CDYL2: variants seen among roughly 807,000 people sequenced by gnomAD.
The protein encoded by CDYL2 is chromodomain Y-like protein 2.
A neutral mutation model predicts 49.4 loss-of-function variants in CDYL2; 23 were observed. That is an observed-to-expected ratio of 0.47 (90% CI 0.34 to 0.66). CDYL2 has a LOEUF of 0.66. Among genes scored for constraint, CDYL2 ranks in the 30% least tolerant of loss-of-function variants. The pLI is 0.01. For synonymous variants in CDYL2, 360 were observed against 268.8 expected (o/e 1.34, Z -3.32); for missense variants, 678 against 656.4 (o/e 1.03, Z -0.36).
At chr16:80,615,685 A>G (rs1435094500) in intron 4 of CDYL2, among the ~76,000 whole-genome samples, 1 of 151,904 alleles carries the variant, frequency 6.6e-6, no homozygotes, top group Non-Finnish European at 1.5e-5. Context: ...AGAGCCTTTC[A>G]TTCTGTGTTT....
intron 1 of CDYL2, among the ~76,000 whole-genome samples, chr16:80,731,939 C>T (rs1333969575): frequency 6.6e-6 from 1 of 151,436 alleles, no homozygotes; most frequent in African/African-American, 2.4e-5. Context: ...AAAAGATCCC[C>T]AAGCTGATGG....
intron 3 of CDYL2, among the ~76,000 whole-genome samples, chr16:80,630,796 G>C (rs866792110): frequency 1.4e-4 from 21 of 152,202 alleles, no homozygotes; most frequent in Middle Eastern, 3.4e-3. Flanking sequence ...AAAAGAACCA[G>C]GGTCTATTTC....
chr16:80,762,793 G>C (rs757135136), intron 1 of CDYL2, among the ~76,000 whole-genome samples: 2 of 152,120 alleles, frequency 1.3e-5, no homozygotes, highest in Non-Finnish European at 2.9e-5. Flanking sequence ...AGCTCTCATA[G>C]GGCAGAGACG....
At chr16:80,776,846 C>G (rs1377541536) in intron 1 of CDYL2, among the ~76,000 whole-genome samples, 3 of 150,878 alleles carry the variant, frequency 2.0e-5, no homozygotes, top group East Asian at 3.9e-4. Flanking sequence ...GAGACAGAGT[C>G]TCCCTCTGTC....
intron 1 of CDYL2, among the ~76,000 whole-genome samples, chr16:80,733,893 T>A (rs1905421436): frequency 6.6e-6 from 1 of 152,200 alleles, no homozygotes; most frequent in African/African-American, 2.4e-5. Flanking sequence ...AATTGTATTG[T>A]CTTTTTGCCC....
intron 1 of CDYL2, among the ~76,000 whole-genome samples, chr16:80,702,490 T>A (rs1904307293): frequency 6.6e-6 from 1 of 152,090 alleles, no homozygotes; most frequent in Admixed American, 6.5e-5. Flanking sequence ...AGGGCTCACG[T>A]CTATAATTCA....
At chr16:80,646,203 G>A (rs559002833) in intron 2 of CDYL2, among the ~76,000 whole-genome samples, 55 of 151,728 alleles carry the variant, frequency 3.6e-4, no homozygotes, top group Admixed American at 7.2e-4. Context: ...GGAATTATGG[G>A]AATACAATTC....
chr16:80,790,255 C>T (rs1428106543), intron 1 of CDYL2, among the ~76,000 whole-genome samples: 1 of 152,086 alleles, frequency 6.6e-6, no homozygotes, highest in African/African-American at 2.4e-5. Flanking sequence ...AAAGCCAATA[C>T]CATAGACGTG....
chr16:80,713,728 C>T (rs1243725903), intron 1 of CDYL2, among the ~76,000 whole-genome samples: 1 of 152,104 alleles, frequency 6.6e-6, no homozygotes, highest in Non-Finnish European at 1.5e-5. Flanking sequence ...CTGTCGTGGC[C>T]ATAGGGAAGT....
At chr16:80,781,379 A>C (rs1907262138) in intron 1 of CDYL2, among the ~76,000 whole-genome samples, 1 of 152,190 alleles carries the variant, frequency 6.6e-6, no homozygotes, top group African/African-American at 2.4e-5. Flanking sequence ...AGAGCCCCCA[A>C]AATATATGAA....
In CDYL2 at chr16:80,601,042, T is replaced by A. The variant is rs571946354; in HGVS notation, c.*3346A>T. ...AAATCAATTCTCTACTACTTTCTCA[T>A]AGCTATCCAATGTCATTCTTAGTGA... On this transcript the variant is annotated 3_prime_UTR_variant, in exon 7 of 7. Transcript: ENST00000570137. 6.6e-6 allele frequency: 1 copy of A among 152,250 alleles called. No individual in the cohort carries two copies. The highest frequency in any genetic ancestry group is 6.5e-5 in the Admixed American group (1 of 15,286). The allele number at this position is 152,250 out of a possible 1,614,324, so 9.4% of individuals were successfully genotyped here.
chr16:80,663,952 T>C (rs1909153933), intron 2 of CDYL2, among the ~76,000 whole-genome samples: 2 of 152,336 alleles, frequency 1.3e-5, no homozygotes, highest in South Asian at 4.1e-4. Context: ...CTAACCTGAT[T>C]AAAAGGAACT....
chr16:80,689,244 A>T (rs1910317278), intron 1 of CDYL2, among the ~76,000 whole-genome samples: 1 of 152,184 alleles, frequency 6.6e-6, no homozygotes, highest in Non-Finnish European at 1.5e-5. Flanking sequence ...ACTCTGCTCT[A>T]TTGCAGGTGG....
At chr16:80,688,865 A>G (rs960245605) in intron 1 of CDYL2, among the ~76,000 whole-genome samples, 1 of 152,064 alleles carries the variant, frequency 6.6e-6, no homozygotes, top group Admixed American at 6.6e-5. Context: ...GCTCCTCCAA[A>G]CTTCCTGCAC....
chr16:80,722,307 T>G (rs1011099), intron 1 of CDYL2, among the ~76,000 whole-genome samples: 144 of 152,274 alleles, frequency 9.5e-4, no homozygotes, highest in Middle Eastern at 3.4e-3. Flanking sequence ...CACCAAGACA[T>G]GTGAAAGCTC....
chr16:80,778,929 T>G (rs968313838), intron 1 of CDYL2, among the ~76,000 whole-genome samples: 1 of 151,990 alleles, frequency 6.6e-6, no homozygotes, highest in African/African-American at 2.4e-5. Context: ...AGATCAACAA[T>G]CACAGAGACC....
chr16:80,722,818 C>G (rs535803900), intron 1 of CDYL2, among the ~76,000 whole-genome samples: 1 of 152,204 alleles, frequency 6.6e-6, no homozygotes, highest in Non-Finnish European at 1.5e-5. Flanking sequence ...AGACAGACTA[C>G]GGCCCTACTC....
intron 2 of CDYL2, among the ~76,000 whole-genome samples, chr16:80,676,422 C>A (rs532766000): frequency 7.9e-5 from 12 of 152,080 alleles, no homozygotes; most frequent in Non-Finnish European, 1.6e-4. Flanking sequence ...GAGGCTGCCC[C>A]GGGAACACCC....
At chr16:80,628,555 A>G (rs1907406269) in intron 3 of CDYL2, among the ~76,000 whole-genome samples, 1 of 152,224 alleles carries the variant, frequency 6.6e-6, no homozygotes, top group African/African-American at 2.4e-5. Flanking sequence ...GCAGCCTTGT[A>G]AGAGACCTTG....
Sources: gnomAD v4.1 joint callset for allele counts (sites outside exome capture counted in the v4.1 genomes callset) on GRCh38, gnomAD v4.1.1 for gene constraint, MANE v1.5 for transcripts, NCBI Gene and HGNC (gene_info 2026-07-23, HGNC 2026-07-21) for gene names.